The following POR variants were observed in gnomAD, a reference collection of about 807,000 sequenced individuals.
POR encodes cytochrome p450 oxidoreductase, also known as NADPH--cytochrome P450 reductase.
A neutral mutation model predicts 84.0 loss-of-function variants in POR; 56 were observed. The observed-to-expected ratio is 0.67, with a 90% CI of 0.54 to 0.83. The LOEUF (loss-of-function observed/expected upper bound fraction) is 0.83. Among genes scored for constraint, POR ranks in the 40% least tolerant of loss-of-function variants. The pLI, the probability that POR is intolerant of heterozygous loss-of-function variation, is 0.00. For missense variants in POR, 938 were observed against 944.3 expected (o/e 0.99, Z 0.09); for synonymous variants, 414 against 400.5 (o/e 1.03, Z -0.40).
chr7:75,971,194 C>T (rs1379368584), intron 2 of POR: 1 of 151,860 alleles, frequency 6.6e-6, no homozygotes, highest in African/African-American at 2.4e-5. Flanking sequence ...ACTCCTGACT[C>T]AAGTGATCCT....
intron 1 of POR, among the ~76,000 whole-genome samples, chr7:75,935,277 C>T (rs564686951): frequency 1.6e-4 from 24 of 152,168 alleles, no homozygotes; most frequent in African/African-American, 5.3e-4. Flanking sequence ...AATCCCAGCA[C>T]TATGGGAGGC....
rs1563429981 is a variant in POR at position 75,980,499 on chromosome 7, C to T, written c.516+11C>T. On this transcript the variant is annotated intron_variant, in intron 5 of 15. Transcript: ENST00000461988. ...GGGGTCAAGTTCGCGGTGAGTCACC[C>T]AGAGACTGCTATGGGCTCCCGGTGG... The T allele has an allele frequency of 6.2e-7, 1 of 1,612,822 alleles. No individual in the cohort carries two copies. The highest frequency in any genetic ancestry group is 8.5e-7 in the Non-Finnish European group (1 of 1,179,822).
At position 75,979,465 on chromosome 7, in the gene POR, C is replaced by A. The variant is rs782768141; in HGVS notation, c.252C>A (p.Ile84=). 1 of 1,613,268 alleles carries A rather than the reference C, an allele frequency of 6.2e-7. No individual in the cohort carries two copies. Among genetic ancestry groups the A allele is most frequent in the Non-Finnish European group, 8.5e-7 (1 of 1,179,718 alleles). ...GCCTTCCTTAGGGGAGGAACATCATCGTGTTCTACGGCTCCCAGACGGGGA... is the reference window on the plus strand; with the variant it reads ...GCCTTCCTTAGGGGAGGAACATCATAGTGTTCTACGGCTCCCAGACGGGGA... Residue 84 remains isoleucine (I), a synonymous_variant, in exon 4 of 16, where the codon ATC becomes ATA. Coordinates refer to ENST00000461988, the MANE Select transcript of POR (RefSeq NM_000941.3).
chr7:75,958,502 C>G (rs913519026), intron 2 of POR, among the ~76,000 whole-genome samples: 3 of 152,134 alleles, frequency 2.0e-5, no homozygotes, highest in African/African-American at 4.8e-5. Flanking sequence ...GCCCATTTTG[C>G]GGATGAAGAA....
At chr7:75,924,409 C>G (rs1193528240) in intron 1 of POR, among the ~76,000 whole-genome samples, 1 of 152,194 alleles carries the variant, frequency 6.6e-6, no homozygotes, top group Admixed American at 6.6e-5. Flanking sequence ...GGGCCTGGCA[C>G]AGTGGCTCAT....
intron 1 of POR, among the ~76,000 whole-genome samples, chr7:75,948,307 T>G (rs1228750312): frequency 6.6e-6 from 1 of 152,216 alleles, no homozygotes; most frequent in Non-Finnish European, 1.5e-5. Context: ...ATTCTTGTTC[T>G]GTGGAGCCTC....
chr7:75,916,027 T>TGCCTC (rs1806549098), intron 1 of POR, among the ~76,000 whole-genome samples: 1 of 152,134 alleles, frequency 6.6e-6, no homozygotes, highest in South Asian at 2.1e-4. Context: ...TGCCTTGCCT[T>TGCCTC]GCCTCTGAGC....
chr7:75,928,065 G>A lies in POR; in HGVS notation c.-5+12886G>A, dbSNP rs142680633. 5.7e-3 allele frequency among the ~76,000 whole-genome samples: 844 copies of A among 147,680 alleles called. 9 individuals are homozygous for A. The highest frequency in any genetic ancestry group is 0.02 in the African/African-American group (803 of 39,574). On this transcript the variant is annotated intron_variant, in intron 1 of 15. Coordinates refer to ENST00000461988, the MANE Select transcript of POR (RefSeq NM_000941.3). ...TCACTTACCACAACCTCCACCTCCT[G>A]GGTTCAAGTGATTCTCCTGCCTCAG...
chr7:75,917,174 C>A (rs568649475), intron 1 of POR, among the ~76,000 whole-genome samples: 25 of 151,702 alleles, frequency 1.6e-4, no homozygotes, highest in African/African-American at 4.6e-4. Flanking sequence ...TTCAAGCAAT[C>A]CTCCCTCCTC....
At chr7:75,948,435 C>T (rs1305646847) in intron 1 of POR, among the ~76,000 whole-genome samples, 3 of 152,178 alleles carry the variant, frequency 2.0e-5, no homozygotes, top group Non-Finnish European at 2.9e-5. Flanking sequence ...AGCTCCTGTT[C>T]GTTTCCTTCG....
rs1554557549 is a variant in POR, at chr7:75,980,423, A to C, written c.451A>C (p.Asn151His). The change falls in exon 5 of 16, where the codon AAT becomes CAT. Residue 151 changes from asparagine (N) to histidine (H), a missense_variant. Physicochemically the swap from Asn to His is moderately conservative, Grantham distance 68 (BLOSUM62 1). Transcript: ENST00000461988. ...CTACGGTGAGGGAGACCCCACCGAC[A>C]ATGCCCAGGACTTCTACGACTGGCT... is the stretch of plus-strand genomic sequence containing the variant. The C allele has an allele frequency of 6.2e-7, 1 of 1,613,216 alleles. No individual in the cohort carries two copies. Among genetic ancestry groups the C allele is most frequent in the Admixed American group, 1.7e-5 (1 of 60,012 alleles).
At chr7:75,981,268 C>G in intron 6 of POR, 96 bp downstream of exon 6, 2 of 1,436,966 alleles carry the variant, frequency 1.4e-6, no homozygotes, top group Non-Finnish European at 1.8e-6. Context: ...AGCTGAGACT[C>G]AGCGACACGC....
rs1554558525 is a variant in POR, at chr7:75,983,739, T to C, written c.949T>C (p.Tyr317His). ...CCCGAGCCTCACATCTCCCTCCAGG[T>C]ATGAATCTGGGGACCACGTGGCTGT... Residue 317 changes from tyrosine (Y) to histidine (H), a missense_variant and splice_region_variant, in exon 10 of 16, where the codon TAT becomes CAT. Physicochemically the swap from Tyr to His is moderately conservative, Grantham distance 83. Transcript: ENST00000461988. 2 of 1,612,178 alleles carry C rather than the reference T, an allele frequency of 1.2e-6. No individual in the cohort carries two copies. The highest frequency in any genetic ancestry group is 1.7e-6 in the Non-Finnish European group (2 of 1,179,514).
At chr7:75,950,222 C>T (rs1308048202) in intron 1 of POR, among the ~76,000 whole-genome samples, 2 of 152,162 alleles carry the variant, frequency 1.3e-5, no homozygotes, top group Admixed American at 6.5e-5. Context: ...GGGAATGGCC[C>T]GTCCATCAGA....
At position 75,929,408 on chromosome 7, in the gene POR, G is replaced by T. The variant is rs557563698; in HGVS notation, c.-5+14229G>T. On this transcript the variant is annotated intron_variant, in intron 1 of 15. Coordinates refer to ENST00000461988, the MANE Select transcript of POR (RefSeq NM_000941.3). ...CCTCCTGAGTAGCTGGGATTACAGA[G>T]CATGCACCACCATGCCCAGCTACTT... Among the ~76,000 whole-genome samples, 81 of 152,238 alleles carry T rather than the reference G, an allele frequency of 5.3e-4. 1 individual carries two copies. The highest frequency in any genetic ancestry group is 1.0e-3 in the Non-Finnish European group (68 of 68,014).
chr7:75,963,416 C>T (rs1788034124), intron 2 of POR, among the ~76,000 whole-genome samples: 1 of 152,194 alleles, frequency 6.6e-6, no homozygotes, highest in Admixed American at 6.5e-5. Context: ...ACCTCGCCTC[C>T]TCTCCTTCCT....
rs565232925 is a variant in POR, at chr7:75,976,233, C to T, written c.238-3218C>T. 3.3e-5 allele frequency among the ~76,000 whole-genome samples: 5 copies of T among 152,108 alleles called. No homozygotes were observed. In the South Asian group the frequency reaches 8.3e-4, roughly 25 times the overall value. ...CTTTCTCTTCTATTAAGTATTTTTA[C>T]GGTGATTATTTTAAAATATCCTTTT... On this transcript the variant is annotated intron_variant, in intron 3 of 15. Transcript: ENST00000461988.
chr7:75,974,542 T>A, intron 3 of POR, among the ~76,000 whole-genome samples: 1 of 149,750 alleles, frequency 6.7e-6, no homozygotes, highest in African/African-American at 2.4e-5. Context: ...TTTTTTTTTT[T>A]TTGAGACAGG....
intron 1 of POR, 107 bp downstream of exon 1, chr7:75,915,286 G>A (rs1247957863): frequency 6.5e-6 from 1 of 152,726 alleles, no homozygotes; most frequent in Non-Finnish European, 1.5e-5. Context: ...TCTCTGCGTC[G>A]GGGTGGGCCC....
Sources: allele counts gnomAD v4.1 joint callset (sites outside exome capture counted in the v4.1 genomes callset), GRCh38; gene constraint gnomAD v4.1.1; transcripts MANE v1.5; gene names NCBI Gene and HGNC (gene_info 2026-07-23, HGNC 2026-07-21).